CARD9: variants seen among roughly 807,000 people sequenced by gnomAD.
CARD9 encodes the protein caspase recruitment domain-containing protein 9.
A neutral mutation model predicts 66.0 loss-of-function variants in CARD9; 53 were observed. That is an observed-to-expected ratio of 0.80 (90% confidence interval 0.64 to 1.01). The LOEUF (loss-of-function observed/expected upper bound fraction) is 1.01, where lower values mean the gene tolerates loss of function less well. CARD9 is among the 50% of genes least tolerant of loss of function. The pLI, the probability that CARD9 is intolerant of heterozygous loss-of-function variation, is 0.00. For missense variants in CARD9, 769 were observed against 743.2 expected, an observed-to-expected ratio of 1.03 and a Z score of -0.40; for synonymous variants, 387 against 313.8, an observed-to-expected ratio of 1.23 and a Z score of -2.47.
intron 6 of CARD9, 90 bp from the exon 7 acceptor site, chr9:136,369,965 T>C: frequency 6.3e-7 from 1 of 1,585,452 alleles, no homozygotes; most frequent in South Asian, 1.1e-5. Flanking sequence ...CAGAAGCATG[T>C]GGTCAGGCCA....
Position 136,364,118 on chromosome 9 carries a change from G to C in CARD9, c.*184C>G. The C allele has an allele frequency of 1.9e-6, 3 of 1,550,570 alleles. No individual in the cohort carries two copies. Among genetic ancestry groups the C allele is most frequent in the Non-Finnish European group, 2.6e-6 (3 of 1,146,894 alleles). On this transcript the variant is annotated 3_prime_UTR_variant, in exon 13 of 13. Transcript: ENST00000371732. ...CACCCGCATGGCCTCCGCAAAATGA[G>C]TGCCGCTTAACAAACGGCCCCAATG...
intron 2 of CARD9, 149 bp from the exon 3 acceptor site, chr9:136,371,610 T>C: frequency 7.4e-7 from 1 of 1,342,594 alleles, no homozygotes; most frequent in Non-Finnish European, 1.0e-6. Flanking sequence ...CTGCGGGTCT[T>C]GGTACTAGGC....
Position 136,365,219 on chromosome 9 carries a change from T to C in CARD9, c.1358-2A>G, listed in dbSNP as rs1833094088. ...GGCTCCCCCCGCCGGCAAGGCAGCC[T>C]GGAAAGGAGAGTCGTGCCTGTGGGA... On this transcript the variant is annotated splice_acceptor_variant, in intron 10 of 12. Coordinates refer to ENST00000371732, the MANE Select transcript of CARD9 (RefSeq NM_052813.5). LOFTEE classifies it high-confidence loss of function. 6.2e-7 allele frequency: 1 copy of C among 1,607,990 alleles called. No homozygotes were observed.
Position 136,371,310 on chromosome 9 carries a change from C to A in CARD9, c.322+14G>T, listed in dbSNP as rs1366525983. 6.3e-7 allele frequency: 1 copy of A among 1,598,706 alleles called. No homozygotes were observed. The highest frequency in any genetic ancestry group is 8.5e-7 in the Non-Finnish European group (1 of 1,173,136). ...AGCGCCTCCCCTGTCGGCCCCGCCT[C>A]CCCCGTCACTCACCGATGATCATGG... On this transcript the variant is annotated intron_variant, in intron 3 of 12. Coordinates refer to ENST00000371732, the MANE Select transcript of CARD9 (RefSeq NM_052813.5).
Position 136,364,373 on chromosome 9 carries a change from CT to C in CARD9, c.1539del (p.Gly514AspfsTer69). The C allele has an allele frequency of 1.9e-6, 3 of 1,565,330 alleles. No individual in the cohort carries two copies. Among genetic ancestry groups the C allele is most frequent in the Non-Finnish European group, 2.6e-6 (3 of 1,157,180 alleles). ...RRKRALRKMQ[K>X]GWRQGEEDRE... Reference sequence around the variant, plus strand: ...CGGTCCTCCTCCCCCTGCCGCCATCCTTTCTGCATCTTCCTGAGGGCGCGCT... The same window carrying C: ...CGGTCCTCCTCCCCCTGCCGCCATCCTTCTGCATCTTCCTGAGGGCGCGCT... On this transcript the variant is annotated frameshift_variant, in exon 13 of 13. Coordinates refer to ENST00000371732, the MANE Select transcript of CARD9 (RefSeq NM_052813.5). LOFTEE classifies it high-confidence loss of function.
At chr9:136,368,065 G>A in intron 7 of CARD9, 1 of 1,390,878 alleles carries the variant, frequency 7.2e-7, no homozygotes, top group African/African-American at 1.5e-5. Context: ...TGCACCCCCG[G>A]TGGACACAGC....
chr9:136,371,884 G>T lies in CARD9; in HGVS notation c.184+11C>A. On this transcript the variant is annotated intron_variant, in intron 2 of 12. Transcript: ENST00000371732. ...GGGTTTGGGGCCTGGGGCCCGCGGG[G>T]CAACACTGACCCACTTTCCGTTTGC... 6.3e-7 allele frequency: 1 copy of T among 1,590,424 alleles called. No homozygotes were observed. Among genetic ancestry groups the T allele is most frequent in the Non-Finnish European group, 8.6e-7 (1 of 1,164,176 alleles).
chr9:136,373,253 T>A (rs1833317851), intron 1 of CARD9, among the ~76,000 whole-genome samples: 1 of 152,238 alleles, frequency 6.6e-6, no homozygotes, highest in African/African-American at 2.4e-5. Flanking sequence ...GACAAGGGAC[T>A]GAATAAAAAC....
rs1395932197 is a variant in CARD9 at position 136,367,968 on chromosome 9, T to C, written c.1078-140A>G. Reference sequence around the variant, plus strand: ...CGGAGGCTGGTCACAGCCCCTCCATTTGTGTGCTCTGCGGACACGAAGTCA... The same window carrying C: ...CGGAGGCTGGTCACAGCCCCTCCATCTGTGTGCTCTGCGGACACGAAGTCA... On this transcript the variant is annotated intron_variant, in intron 7 of 12. Transcript: ENST00000371732. 2.1e-6 allele frequency: 3 copies of C among 1,435,984 alleles called. No individual in the cohort carries two copies. The East Asian group carries it at 7.7e-5, about 37-fold the overall frequency. 89.0% of individuals were successfully genotyped at this position (1,435,984 alleles called of 1,614,324 possible).
chr9:136,370,896 TGCGCCAG>T lies in CARD9; in HGVS notation c.565_571del (p.Leu189ThrfsTer28), dbSNP rs1353316154. ...CGCGGCGCCCTTCTCCTCACTCTGG[TGCGCCAG>T]GCGCATGGCCAGGTCGTAGTTCTCC... On this transcript the variant is annotated frameshift_variant, in exon 4 of 13. Coordinates refer to ENST00000371732, the MANE Select transcript of CARD9 (RefSeq NM_052813.5). LOFTEE classifies it high-confidence loss of function. 6.2e-7 allele frequency: 1 copy of T among 1,609,164 alleles called. No homozygotes were observed. The highest frequency in any genetic ancestry group is 1.1e-5 in the South Asian group (1 of 91,014).
Position 136,370,710 on chromosome 9 carries a change from G to A in CARD9, c.628-9C>T, listed in dbSNP as rs746129523. ...TGCTTGAGCTGGTCAATCTGCAGAA[G>A]GTCCAGTGAGCCTGGCTGTCCCCTC... On this transcript the variant is annotated splice_polypyrimidine_tract_variant and intron_variant, in intron 4 of 12. Transcript: ENST00000371732. The A allele has an allele frequency of 3.7e-6, 6 of 1,612,562 alleles. No homozygotes were observed. The highest frequency in any genetic ancestry group is 5.1e-6 in the Non-Finnish European group (6 of 1,179,870).
intron 10 of CARD9, 39 bp from the exon 11 acceptor site, chr9:136,365,256 GCTGGGC>G: frequency 6.3e-7 from 1 of 1,592,146 alleles, no homozygotes; most frequent in Non-Finnish European, 8.5e-7. Flanking sequence ...CTGCCCATCT[GCTGGGC>G]CACGTATAGC....
chr9:136,373,110 G>A (rs1179115669), intron 1 of CARD9, among the ~76,000 whole-genome samples: 1 of 152,254 alleles, frequency 6.6e-6, no homozygotes, highest in Admixed American at 6.5e-5. Context: ...CAGCCCCGCT[G>A]GGAAACGCTG....
In CARD9 at chr9:136,364,494, C is replaced by T. The variant is rs1430111733; in HGVS notation, c.1500G>A (p.Glu500=). 6 of 1,539,854 alleles carry T rather than the reference C, an allele frequency of 3.9e-6. No individual in the cohort carries two copies. The highest frequency in any genetic ancestry group is 2.0e-5 in the Admixed American group (1 of 50,990). ...KERRRLKESF[E]NYRRKRALRK... is the part of the protein sequence containing the mutation. Reference sequence around the variant, plus strand: ...GGCCGCCCGCCTACCTGCGGTAGTTCTCAAAACTCTCTTTGAGGCGCCGCC... The same window carrying T: ...GGCCGCCCGCCTACCTGCGGTAGTTTTCAAAACTCTCTTTGAGGCGCCGCC... Residue 500 remains glutamate (E), a synonymous_variant, in exon 12 of 13, where the codon GAG becomes GAA. Coordinates refer to ENST00000371732, the MANE Select transcript of CARD9 (RefSeq NM_052813.5).
intron 7 of CARD9, chr9:136,368,070 C>T (rs1044034340): frequency 2.2e-6 from 3 of 1,381,428 alleles, no homozygotes; most frequent in Non-Finnish European, 2.8e-6. Context: ...CCCCGGTGGA[C>T]ACAGCGTGTG....
Position 136,369,838 on chromosome 9 carries a change from A to C in CARD9, c.989T>G (p.Leu330Arg), listed in dbSNP as rs1202481712. Residue 330 changes from leucine to arginine, a missense_variant, in exon 7 of 13, where the codon CTG becomes CGG. Transcript: ENST00000371732. ...EEKEMFELQC[L>R]ALRKDSKMYK... The stretch of plus-strand genomic sequence containing the variant: ...CATCTTGGAGTCCTTACGTAGTGCC[A>C]GGCACTGCAGCTCGAACATCTCCTT... 9 of 1,612,772 alleles carry C rather than the reference A, an allele frequency of 5.6e-6. No homozygotes were observed. Among genetic ancestry groups the C allele is most frequent in the Non-Finnish European group, 7.6e-6 (9 of 1,180,004 alleles).
intron 10 of CARD9, 94 bp from the exon 11 acceptor site, chr9:136,365,311 G>C: frequency 2.5e-6 from 3 of 1,190,496 alleles, no homozygotes; most frequent in Non-Finnish European, 1.2e-6. Context: ...CAGTGGGGCT[G>C]TCTTCCAAGG....
In CARD9 at chr9:136,364,085, G is replaced by A; in HGVS notation, c.*217C>T. 6.5e-7 allele frequency: 1 copy of A among 1,550,226 alleles called. No individual in the cohort carries two copies. On this transcript the variant is annotated 3_prime_UTR_variant, in exon 13 of 13. Transcript: ENST00000371732. ...TTACACAGATGGCGTGTGCATGGGGGTGGTGAGCACCCGCATGGCCTCCGC... is the reference window on the plus strand; with the variant it reads ...TTACACAGATGGCGTGTGCATGGGGATGGTGAGCACCCGCATGGCCTCCGC...
chr9:136,365,265 C>T lies in CARD9; in HGVS notation c.1358-48G>A, dbSNP rs781023018. The T allele has an allele frequency of 5.1e-6, 8 of 1,567,618 alleles. No individual in the cohort carries two copies. The East Asian group carries it at 1.6e-4, about 31-fold the overall frequency. On this transcript the variant is annotated intron_variant, in intron 10 of 12. Coordinates refer to ENST00000371732, the MANE Select transcript of CARD9 (RefSeq NM_052813.5). ...TGGGACCTGCCCATCTGCTGGGCCACGTATAGCACGGCTGCCCCACCCCTC... is the reference window on the plus strand; with the variant it reads ...TGGGACCTGCCCATCTGCTGGGCCATGTATAGCACGGCTGCCCCACCCCTC...
Sources: allele counts gnomAD v4.1 joint callset (sites outside exome capture counted in the v4.1 genomes callset), GRCh38; gene constraint gnomAD v4.1.1; transcripts MANE v1.5; gene names NCBI Gene and HGNC (gene_info 2026-07-23, HGNC 2026-07-21).